Variants in BRF1 observed in about 807,000 individuals in gnomAD.
BRF1 encodes BRF1 general transcription factor IIIB subunit, also known as transcription factor IIIB 90 kDa subunit.
BRF1 carries 59 observed loss-of-function variants against 81.7 expected under a neutral mutation model. The observed-to-expected ratio is 0.72, with a 90% CI of 0.59 to 0.90. The LOEUF is 0.90. Among genes scored for constraint, BRF1 ranks in the 40% least tolerant of loss-of-function variants. The pLI is 0.00. For synonymous variants in BRF1, 491 were observed against 395.6 expected (o/e 1.24, Z -2.86); for missense variants, 1,050 against 936.3 (o/e 1.12, Z -1.58).
chr14:105,218,857 G>C, intron 14 of BRF1, 141 bp downstream of exon 14: 2 of 1,207,490 alleles, frequency 1.7e-6, no homozygotes, highest in Non-Finnish European at 2.4e-6. Context: ...GTGGGTCTGG[G>C]GTCCAGAGCA....
At chr14:105,312,212 C>A (rs908729277) in intron 1 of BRF1, among the ~76,000 whole-genome samples, 1 of 152,246 alleles carries the variant, frequency 6.6e-6, no homozygotes, top group African/African-American at 2.4e-5. Context: ...CCTAGCGAAG[C>A]CAGGCGGACA....
At chr14:105,273,373 C>A (rs745597145) in intron 2 of BRF1, among the ~76,000 whole-genome samples, 2 of 152,214 alleles carry the variant, frequency 1.3e-5, no homozygotes, top group Admixed American at 6.5e-5. Flanking sequence ...CTCAGCCCTG[C>A]GCCCGCCAGC....
chr14:105,279,662 G>T (rs956278571), intron 2 of BRF1, among the ~76,000 whole-genome samples: 1 of 152,138 alleles, frequency 6.6e-6, no homozygotes, highest in Non-Finnish European at 1.5e-5. Flanking sequence ...ATCTAATGAT[G>T]AGCACACCCA....
At chr14:105,219,421 C>T in intron 12 of BRF1, 189 bp from the exon 13 acceptor site, 2 of 1,333,568 alleles carry the variant, frequency 1.5e-6, no homozygotes, top group East Asian at 2.5e-5. Context: ...TGCTCTGTGG[C>T]CTGTCCCAAG....
intron 2 of BRF1, among the ~76,000 whole-genome samples, chr14:105,279,790 T>A (rs934651073): frequency 6.6e-6 from 1 of 152,162 alleles, no homozygotes; most frequent in Non-Finnish European, 1.5e-5. Flanking sequence ...CAGCCAAGAA[T>A]GGAAACACCC....
chr14:105,249,592 G>A (rs2055456213), intron 5 of BRF1: 14 of 1,587,136 alleles, frequency 8.8e-6, no homozygotes, highest in Non-Finnish European at 1.1e-5. Flanking sequence ...CCAGCCCCGC[G>A]ATGGGTGCTT....
At chr14:105,250,164 C>A in intron 5 of BRF1, 1 of 1,612,966 alleles carries the variant, frequency 6.2e-7, no homozygotes, top group Admixed American at 1.7e-5. Context: ...TGGTACACGG[C>A]CACCAACAAG....
intron 15 of BRF1, chr14:105,212,373 C>A: frequency 3.3e-6 from 2 of 600,536 alleles, no homozygotes; most frequent in East Asian, 5.9e-5. Flanking sequence ...TTCTCAACAG[C>A]GAGCAGCACT....
At chr14:105,290,489 T>C (rs1422769657) in intron 1 of BRF1, among the ~76,000 whole-genome samples, 1 of 152,142 alleles carries the variant, frequency 6.6e-6, no homozygotes, top group Non-Finnish European at 1.5e-5. Context: ...CAGCCTCCAT[T>C]ATAGCCACGT....
chr14:105,249,477 A>C, intron 5 of BRF1: 1 of 1,613,268 alleles, frequency 6.2e-7, no homozygotes, highest in Non-Finnish European at 8.5e-7. Context: ...GATCCTCTTA[A>C]AGTAAGTCCA....
At chr14:105,297,629 G>A (rs1036136630) in intron 1 of BRF1, among the ~76,000 whole-genome samples, 1 of 152,092 alleles carries the variant, frequency 6.6e-6, no homozygotes, top group East Asian at 1.9e-4. Context: ...GAGGTTTAAT[G>A]CAATTCCAAT....
intron 1 of BRF1, among the ~76,000 whole-genome samples, chr14:105,297,208 C>CTA: frequency 1.3e-5 from 2 of 152,200 alleles, no homozygotes; most frequent in Middle Eastern, 6.8e-3. Flanking sequence ...CACTGACAGA[C>CTA]TATATCAAAG....
chr14:105,255,850 G>A (rs1459697657), intron 4 of BRF1, among the ~76,000 whole-genome samples: 1 of 152,238 alleles, frequency 6.6e-6, no homozygotes, highest in African/African-American at 2.4e-5. Flanking sequence ...CAAGAGGCCA[G>A]GTATGGTTGT....
chr14:105,266,577 C>T (rs587679877), intron 3 of BRF1, among the ~76,000 whole-genome samples: 3 of 152,248 alleles, frequency 2.0e-5, no homozygotes, highest in East Asian at 3.9e-4. Context: ...GTAACATCCT[C>T]AAGCTGATAA....
chr14:105,218,488 C>T (rs1340937185), intron 14 of BRF1, among the ~76,000 whole-genome samples: 2 of 152,200 alleles, frequency 1.3e-5, no homozygotes, highest in African/African-American at 4.8e-5. Context: ...TGAGGGACCC[C>T]AGTCTCGCAG....
intron 1 of BRF1, among the ~76,000 whole-genome samples, chr14:105,295,224 T>C (rs1204596324): frequency 7.3e-6 from 1 of 136,684 alleles, no homozygotes; most frequent in Non-Finnish European, 1.5e-5. Context: ...CCCAGCACTC[T>C]GGGAGGCCAA....
intron 5 of BRF1, chr14:105,247,066 G>A (rs1468520538): frequency 5.1e-6 from 5 of 985,290 alleles, no homozygotes; most frequent in Non-Finnish European, 4.8e-6. Flanking sequence ...GCTTATGCCC[G>A]TTACCTTTTT....
chr14:105,244,616 C>T (rs2054952745), intron 5 of BRF1, among the ~76,000 whole-genome samples: 1 of 151,956 alleles, frequency 6.6e-6, no homozygotes, highest in South Asian at 2.1e-4. Context: ...GTCAAGCAGC[C>T]TGGAATCTGC....
rs994078521 is a variant in BRF1 at position 105,284,981 on chromosome 14, C to A, written c.265+1315G>T. 3.9e-5 allele frequency among the ~76,000 whole-genome samples: 6 copies of A among 152,166 alleles called. No homozygotes were observed. Among genetic ancestry groups the A allele is most frequent in the African/African-American group, 1.4e-4 (6 of 41,434 alleles). ...ACAAAAGAAGTACAAAACTTATACTCTGAGAACTAATAAAATTGTTGAAAC... is the reference window on the plus strand; with the variant it reads ...ACAAAAGAAGTACAAAACTTATACTATGAGAACTAATAAAATTGTTGAAAC... On this transcript the variant is annotated intron_variant, in intron 2 of 17. Transcript: ENST00000547530. This position sits in a 1 kb window ranked among gnomAD's most constrained non-coding sequence, Gnocchi z 4.0.
Sources: allele counts gnomAD v4.1 joint callset (sites outside exome capture counted in the v4.1 genomes callset), GRCh38; gene constraint gnomAD v4.1.1; non-coding constraint Gnocchi (gnomAD v3.1); transcripts MANE v1.5; gene names NCBI Gene and HGNC (gene_info 2026-07-23, HGNC 2026-07-21).